Variants in GATA4 observed in about 807,000 individuals in gnomAD.
The protein encoded by GATA4 is GATA binding protein 4, also known as transcription factor GATA-4.
A neutral mutation model predicts 37.9 loss-of-function variants in GATA4; 7 were observed. The observed-to-expected ratio is 0.18, with a 90% CI of 0.11 to 0.35. GATA4 has a LOEUF of 0.35. Ranked by LOEUF, GATA4 falls within the 10% of genes least tolerant of loss-of-function variation. The probability of loss-of-function intolerance (pLI) is 1.00; values close to 1 mark genes in which losing one functional copy is unlikely to be tolerated. For missense variants in GATA4, 647 were observed against 653.0 expected (o/e 0.99, Z 0.10); for synonymous variants, 372 against 292.6 (o/e 1.27, Z -2.77).
intron 2 of GATA4, among the ~76,000 whole-genome samples, chr8:11,735,649 T>G (rs1270778259): frequency 6.6e-6 from 1 of 152,126 alleles, no homozygotes; most frequent in Non-Finnish European, 1.5e-5. Flanking sequence ...TGCAACCTCC[T>G]CCTTCCGGGT....
rs1798940465 is a variant in GATA4 at position 11,680,760 on chromosome 8, C to G, written c.-274+3697C>G. ...GCGAGGAGAGCCCGGCTTCTGCGCA[C>G]CCCTCTCCAGATGCGAGGTGCTCAC... On this transcript the variant is annotated intron_variant, in intron 1 of 6. Coordinates refer to the GATA4 transcript ENST00000528712. The G allele has an allele frequency of 1.6e-5, 16 of 985,242 alleles. No homozygotes were observed. The South Asian group carries it at 7.5e-4, about 46-fold the overall frequency. 61.0% of individuals were successfully genotyped at this position (985,242 alleles called of 1,614,324 possible). A position where few individuals can be genotyped will look rare whatever the true frequency, so the allele number is the denominator to read the frequency against.
intron 2 of GATA4, among the ~76,000 whole-genome samples, chr8:11,734,340 T>C (rs1256217968): frequency 1.3e-5 from 2 of 152,206 alleles, no homozygotes; most frequent in African/African-American, 4.8e-5. Context: ...ACAACGCTTA[T>C]TTCTCAAAGT....
intron 1 of GATA4, chr8:11,692,913 G>A: frequency 5.1e-6 from 5 of 984,198 alleles, no homozygotes; most frequent in Non-Finnish European, 4.8e-6. Context: ...CAGCCGCCTG[G>A]GGTTCCGCGG....
intron 2 of GATA4, among the ~76,000 whole-genome samples, chr8:11,748,001 G>C (rs560916607): frequency 6.6e-6 from 1 of 152,206 alleles, no homozygotes; most frequent in East Asian, 1.9e-4. Flanking sequence ...GCTGAGGCGG[G>C]TGGACCATTT....
chr8:11,679,922 G>A (rs117223605), intron 1 of GATA4, among the ~76,000 whole-genome samples: 3 of 152,184 alleles, frequency 2.0e-5, no homozygotes, highest in African/African-American at 7.2e-5. Flanking sequence ...GTTGTGTGTC[G>A]CCGAATAGTT....
rs1359707472 is a variant in GATA4, at chr8:11,708,904, C to T, written c.592C>T (p.Pro198Ser). The change falls in exon 2 of 7, where the codon CCG (proline) becomes TCG (serine). Residue 198 changes from proline (P) to serine (S), a missense_variant. By Grantham distance (74) the Pro-to-Ser change is moderately conservative. Around this residue, in one of 5 missense-constraint regions of GATA4, gnomAD observed 379 missense variants for 334.5 expected, o/e 1.13. Coordinates refer to ENST00000532059, the MANE Select transcript of GATA4 (RefSeq NM_001308093.3). This position sits in a 1 kb window ranked among gnomAD's most constrained non-coding sequence, Gnocchi z 6.7. Reference protein sequence around the residue: ...VLHSLPGRANPAARHPNLVDM... With the variant: ...VLHSLPGRANSAARHPNLVDM... ...GCACAGCCTGCCCGGCCGGGCCAACCCGGCCGCCCGACACCCCAATCTCGG... is the reference window on the plus strand; with the variant it reads ...GCACAGCCTGCCCGGCCGGGCCAACTCGGCCGCCCGACACCCCAATCTCGG... 54 of 1,527,642 alleles carry T rather than the reference C, an allele frequency of 3.5e-5. No homozygotes were observed. The highest frequency in any genetic ancestry group is 4.6e-5 in the Non-Finnish European group (53 of 1,143,708). 94.6% of individuals were successfully genotyped at this position (1,527,642 alleles called of 1,614,324 possible).
chr8:11,682,919 G>C (rs1040546452), intron 1 of GATA4, among the ~76,000 whole-genome samples: 5 of 152,202 alleles, frequency 3.3e-5, no homozygotes, highest in Non-Finnish European at 5.9e-5. Context: ...GTAGGTAGTA[G>C]CTAGTTTCCA....
chr8:11,723,305 A>G (rs962688701), intron 2 of GATA4, among the ~76,000 whole-genome samples: 6 of 152,050 alleles, frequency 3.9e-5, no homozygotes, highest in Non-Finnish European at 5.9e-5. Context: ...GCAGTGACTC[A>G]TGGTCCAACC....
At position 11,712,136 on chromosome 8, in the gene GATA4, T is replaced by C. The variant is rs186450181; in HGVS notation, c.616+3208T>C. 2.5e-4 allele frequency among the ~76,000 whole-genome samples: 38 copies of C among 152,378 alleles called. No individual in the cohort carries two copies. The East Asian group carries it at 6.9e-3, about 28-fold the overall frequency. ...AAAGTAAGGTAATACTTTTGAAGAA[T>C]TTGGCTTTAGCCCTTCATAAATGAT... is the stretch of plus-strand genomic sequence containing the variant. On this transcript the variant is annotated intron_variant, in intron 2 of 6. Coordinates refer to ENST00000532059, the MANE Select transcript of GATA4 (RefSeq NM_001308093.3).
At chr8:11,712,295 G>T (rs1800221034) in intron 2 of GATA4, among the ~76,000 whole-genome samples, 1 of 152,224 alleles carries the variant, frequency 6.6e-6, no homozygotes, top group South Asian at 2.1e-4. Context: ...AACGCAGATT[G>T]TTGGACACTC....
intron 6 of GATA4, 148 bp downstream of exon 6, chr8:11,757,231 T>C (rs1269614549): frequency 1.7e-5 from 22 of 1,271,652 alleles, no homozygotes; most frequent in Non-Finnish European, 2.4e-5. Flanking sequence ...GACCCAGCCA[T>C]TGAGCTGTGT....
At chr8:11,736,324 G>A (rs1256064234) in intron 2 of GATA4, among the ~76,000 whole-genome samples, 1 of 152,246 alleles carries the variant, frequency 6.6e-6, no homozygotes, top group Non-Finnish European at 1.5e-5. Flanking sequence ...TTCACAGGTA[G>A]GAGCCTAGAA....
intron 1 of GATA4, among the ~76,000 whole-genome samples, chr8:11,693,644 G>A (rs1300547366): frequency 4.6e-5 from 7 of 151,874 alleles, no homozygotes; most frequent in Non-Finnish European, 1.0e-4. Context: ...TGAGGAGACC[G>A]AGGGCCAGAG....
At chr8:11,679,494 G>A (rs2129916949) in intron 1 of GATA4, among the ~76,000 whole-genome samples, 1 of 152,366 alleles carries the variant, frequency 6.6e-6, no homozygotes, top group East Asian at 1.9e-4. Context: ...GAGGAGAGGA[G>A]AGTGGAGCCC....
At chr8:11,754,953 G>A (rs1802480276) in intron 4 of GATA4, 93 bp from the exon 5 acceptor site, 3 of 935,068 alleles carry the variant, frequency 3.2e-6, no homozygotes, top group African/African-American at 1.6e-5. Flanking sequence ...GATTGCTTAG[G>A]TGTTGCCTTC....
At chr8:11,722,193 G>A (rs1318291882) in intron 2 of GATA4, among the ~76,000 whole-genome samples, 1 of 145,112 alleles carries the variant, frequency 6.9e-6, no homozygotes, top group African/African-American at 2.9e-5. Flanking sequence ...AATAAAAATA[G>A]AGAGTAGAAT....
At position 11,719,615 on chromosome 8, in the gene GATA4, T is replaced by A. The variant is rs1183507385; in HGVS notation, c.616+10687T>A. On this transcript the variant is annotated intron_variant, in intron 2 of 6. Coordinates refer to ENST00000532059, the MANE Select transcript of GATA4 (RefSeq NM_001308093.3). ...AATTGGTAATCTTACCATCCAAAGA[T>A]AACCACTGTTAGGCATTAATCCTTG... Among the ~76,000 whole-genome samples the A allele has an allele frequency of 2.6e-5, 4 of 152,198 alleles. No individual in the cohort carries two copies. In the East Asian group the frequency reaches 5.8e-4, roughly 22 times the overall value.
chr8:11,719,482 C>T lies in GATA4; in HGVS notation c.616+10554C>T, dbSNP rs911591336. On this transcript the variant is annotated intron_variant, in intron 2 of 6. Coordinates refer to ENST00000532059, the MANE Select transcript of GATA4 (RefSeq NM_001308093.3). ...AGGCAAAAATGGCTTCAGAGAAACACGTAGTAATTTTTTTTCAAGTAGTAT... is the reference window on the plus strand; with the variant it reads ...AGGCAAAAATGGCTTCAGAGAAACATGTAGTAATTTTTTTTCAAGTAGTAT... Among the ~76,000 whole-genome samples the T allele has an allele frequency of 5.3e-5, 8 of 151,854 alleles. No individual in the cohort carries two copies. The South Asian group carries it at 1.0e-3, about 20-fold the overall frequency.
chr8:11,743,988 A>G (rs1563223758), intron 2 of GATA4, among the ~76,000 whole-genome samples: 4 of 152,224 alleles, frequency 2.6e-5, no homozygotes, highest in Admixed American at 6.5e-5. Context: ...TGCTAAACTA[A>G]TCATTAATTA....
Sources: allele counts gnomAD v4.1 joint callset (sites outside exome capture counted in the v4.1 genomes callset), GRCh38; gene constraint gnomAD v4.1.1; regional missense constraint gnomAD v4.1.1; non-coding constraint Gnocchi (gnomAD v3.1); transcripts MANE v1.5; gene names NCBI Gene and HGNC (gene_info 2026-07-23, HGNC 2026-07-21).